Variants in HIP1 observed in about 807,000 individuals in gnomAD.
HIP1 encodes huntingtin interacting protein 1.
In HIP1, 65 loss-of-function variants were observed where a neutral mutation model predicts 147.6. The ratio of observed to expected loss-of-function variants is 0.44; its 90% CI spans 0.36 to 0.54. The LOEUF (loss-of-function observed/expected upper bound fraction) is 0.54. Ranked by LOEUF, HIP1 falls within the 20% of genes least tolerant of loss-of-function variation. The probability of loss-of-function intolerance (pLI) is 0.00; values close to 1 mark genes in which losing one functional copy is unlikely to be tolerated. For synonymous variants in HIP1, 479 were observed against 504.0 expected, an observed-to-expected ratio of 0.95 and a Z score of 0.67; for missense variants, 1,061 against 1,299.6, an observed-to-expected ratio of 0.82 and a Z score of 2.82.
In HIP1 at chr7:75,537,179, G is replaced by A. The variant is rs1197269539; in HGVS notation, c.*993C>T. 1 of 232,804 alleles carries A rather than the reference G, an allele frequency of 4.3e-6. No individual in the cohort carries two copies. Among genetic ancestry groups the A allele is most frequent in the Admixed American group, 5.6e-5 (1 of 17,744 alleles). The allele number at this position is 232,804 out of a possible 1,614,324, so 14.4% of individuals were successfully genotyped here. On this transcript the variant is annotated 3_prime_UTR_variant, in exon 31 of 31. Coordinates refer to ENST00000336926, the MANE Select transcript of HIP1 (RefSeq NM_005338.7). Reference sequence around the variant, plus strand: ...CATTCAAGCATGTGATCAAGTTTTTGAGCCTCGTCACGGGAACTGGGCTGT... The same window carrying A: ...CATTCAAGCATGTGATCAAGTTTTTAAGCCTCGTCACGGGAACTGGGCTGT...
chr7:75,664,184 A>G (rs139635148), intron 1 of HIP1, among the ~76,000 whole-genome samples: 4 of 100,104 alleles, frequency 4.0e-5, no homozygotes, highest in East Asian at 2.6e-4. Flanking sequence ...ATATGTACAT[A>G]CATATATACA....
intron 1 of HIP1, among the ~76,000 whole-genome samples, chr7:75,636,129 C>A (rs587599083): frequency 1.6e-4 from 24 of 151,340 alleles, no homozygotes; most frequent in Non-Finnish European, 3.1e-4. Flanking sequence ...ATTGCTTGGG[C>A]CCAGGAGTTT....
At chr7:75,545,926 C>G (rs587649388) in intron 25 of HIP1, among the ~76,000 whole-genome samples, 3 of 152,174 alleles carry the variant, frequency 2.0e-5, no homozygotes, top group East Asian at 3.9e-4. Context: ...GGCGACAGAG[C>G]GAGACTCAGT....
intron 1 of HIP1, among the ~76,000 whole-genome samples, chr7:75,612,064 G>A (rs1212512172): frequency 2.0e-5 from 3 of 152,310 alleles, no homozygotes; most frequent in African/African-American, 7.2e-5. Context: ...CCCAGCCCTC[G>A]GGCTGCCAAG....
intron 1 of HIP1, among the ~76,000 whole-genome samples, chr7:75,684,166 G>T (rs953871853): frequency 2.6e-5 from 4 of 151,734 alleles, no homozygotes; most frequent in Non-Finnish European, 4.4e-5. Context: ...ACACAAAAAG[G>T]CTGGGCACGA....
chr7:75,712,039 A>T (rs1309937573), intron 1 of HIP1, among the ~76,000 whole-genome samples: 1 of 152,170 alleles, frequency 6.6e-6, no homozygotes, highest in Non-Finnish European at 1.5e-5. Flanking sequence ...GGCAACAGAA[A>T]TCTAAATCCC....
intron 24 of HIP1, 70 bp downstream of exon 24, chr7:75,547,685 G>A: frequency 7.7e-7 from 1 of 1,300,986 alleles, no homozygotes; most frequent in South Asian, 1.2e-5. Flanking sequence ...TAATAAGTAT[G>A]CAAAGTATAG....
intron 1 of HIP1, among the ~76,000 whole-genome samples, chr7:75,635,821 G>A (rs1230266993): frequency 1.3e-5 from 2 of 151,448 alleles, no homozygotes; most frequent in Non-Finnish European, 2.9e-5. Flanking sequence ...CCAGGAGTTC[G>A]ACACCAGCCT....
Position 75,559,793 on chromosome 7 carries a change from G to A in HIP1, c.1314C>T (p.Asp438=), listed in dbSNP as rs781976191. The change falls in exon 14 of 31, where the codon GAC becomes GAT. Residue 438 remains aspartate, a synonymous_variant. Transcript: ENST00000336926. The stretch of plus-strand genomic sequence containing the variant: ...TGTCCTCCCGCTGCCTCCTGAGCTC[G>A]TCCAGTTCTGCCCGCAGGAATTCAC... ...DDCEFLRAEL[D]ELRRQREDTE... 8 of 1,609,146 alleles carry A rather than the reference G, an allele frequency of 5.0e-6. No individual in the cohort carries two copies. The highest frequency in any genetic ancestry group is 3.4e-5 in the Admixed American group (2 of 59,448).
Position 75,571,947 on chromosome 7 carries a change from T to C in HIP1, c.745+1814A>G, listed in dbSNP as rs147302499. Reference sequence around the variant, plus strand: ...AAGAACTGGCGGGTGTGGTGGGTCATACCTGTAATCCTAGCACTTTAGGAG... The same window carrying C: ...AAGAACTGGCGGGTGTGGTGGGTCACACCTGTAATCCTAGCACTTTAGGAG... On this transcript the variant is annotated intron_variant, in intron 8 of 30. Coordinates refer to ENST00000336926, the MANE Select transcript of HIP1 (RefSeq NM_005338.7). 1.8e-3 allele frequency among the ~76,000 whole-genome samples: 276 copies of C among 152,192 alleles called. 1 individual carries two copies. The highest frequency in any genetic ancestry group is 6.2e-3 in the African/African-American group (257 of 41,546).
intron 1 of HIP1, among the ~76,000 whole-genome samples, chr7:75,698,788 C>T (rs1800718506): frequency 1.3e-5 from 2 of 151,528 alleles, no homozygotes. Flanking sequence ...TCATGTACTC[C>T]AGCCTGGATG....
chr7:75,726,831 C>A (rs1801665649), intron 1 of HIP1, among the ~76,000 whole-genome samples: 1 of 151,622 alleles, frequency 6.6e-6, no homozygotes. Flanking sequence ...CACGCCCCAC[C>A]ATGCCTGCCT....
intron 1 of HIP1, among the ~76,000 whole-genome samples, chr7:75,680,656 T>C (rs1300697594): frequency 3.3e-5 from 5 of 151,910 alleles, no homozygotes; most frequent in Non-Finnish European, 1.5e-5. Context: ...GTTACCCAGG[T>C]TGGAGTGCAG....
chr7:75,640,459 C>T (rs1022466441), intron 1 of HIP1, among the ~76,000 whole-genome samples: 7 of 152,180 alleles, frequency 4.6e-5, no homozygotes, highest in East Asian at 1.9e-4. Context: ...TGGCTCCCGG[C>T]GGGCTCACGC....
At chr7:75,646,000 GA>G (rs1330815365) in intron 1 of HIP1, among the ~76,000 whole-genome samples, 1 of 152,204 alleles carries the variant, frequency 6.6e-6, no homozygotes, top group East Asian at 1.9e-4. Context: ...CTATCCGGAT[GA>G]TGGATCATTA....
At chr7:75,702,130 A>G (rs1332601243) in intron 1 of HIP1, among the ~76,000 whole-genome samples, 2 of 138,926 alleles carry the variant, frequency 1.4e-5, no homozygotes, top group Non-Finnish European at 3.1e-5. Flanking sequence ...TTTTTTTTTG[A>G]GATGGAGTCT....
chr7:75,664,737 C>T (rs1245409634), intron 1 of HIP1, among the ~76,000 whole-genome samples: 7 of 152,020 alleles, frequency 4.6e-5, no homozygotes, highest in African/African-American at 1.5e-4. Context: ...TCTCATGCCT[C>T]AGCTTCCTGA....
intron 1 of HIP1, among the ~76,000 whole-genome samples, chr7:75,671,605 G>A (rs1799731146): frequency 6.6e-6 from 1 of 152,072 alleles, no homozygotes; most frequent in African/African-American, 2.4e-5. Context: ...GGATCATATG[G>A]TGATTCTATT....
intron 1 of HIP1, among the ~76,000 whole-genome samples, chr7:75,605,916 C>A (rs587612479): frequency 6.6e-6 from 1 of 152,292 alleles, no homozygotes; most frequent in African/African-American, 2.4e-5. Context: ...GTGGTGCAAT[C>A]ATAGCTTACT....
Sources: allele counts gnomAD v4.1 joint callset (sites outside exome capture counted in the v4.1 genomes callset), GRCh38; gene constraint gnomAD v4.1.1; transcripts MANE v1.5; gene names NCBI Gene and HGNC (gene_info 2026-07-23, HGNC 2026-07-21).